HACD4: variants seen among roughly 807,000 people sequenced by gnomAD.
The protein encoded by HACD4 is very-long-chain (3R)-3-hydroxyacyl-CoA dehydratase 4.
In HACD4, 35 loss-of-function variants were observed where a neutral mutation model predicts 33.3. The ratio of observed to expected loss-of-function variants is 1.05; its 90% confidence interval spans 0.80 to 1.39. The LOEUF (loss-of-function observed/expected upper bound fraction) is 1.39, where lower values mean the gene tolerates loss of function less well. Among genes scored for constraint, HACD4 ranks in the 40% most tolerant of loss-of-function variants. HACD4 has a pLI of 0.00. For missense variants in HACD4, 323 were observed against 276.5 expected (o/e 1.17, Z -1.19); for synonymous variants, 118 against 98.0 (o/e 1.20, Z -1.21).
At chr9:21,012,888 G>A (rs940470086) in intron 4 of HACD4, among the ~76,000 whole-genome samples, 14 of 151,916 alleles carry the variant, frequency 9.2e-5, no homozygotes, top group East Asian at 1.9e-4. Flanking sequence ...CCAACGTGGC[G>A]AAACCCCATC....
intron 4 of HACD4, among the ~76,000 whole-genome samples, chr9:21,013,517 G>T (rs79648022): frequency 0.029 from 4,458 of 152,220 alleles, 112 homozygotes; most frequent in African/African-American, 0.06. Context: ...GAGTGTTAGG[G>T]TCAGCTTCTC....
At chr9:21,030,832 T>C (rs547361201) in intron 1 of HACD4, among the ~76,000 whole-genome samples, 12 of 152,238 alleles carry the variant, frequency 7.9e-5, no homozygotes, top group East Asian at 5.8e-4. Flanking sequence ...TAAGAGAAGA[T>C]TGACAGATAG....
At chr9:21,020,452 G>A (rs1390225940) in intron 3 of HACD4, among the ~76,000 whole-genome samples, 1 of 152,042 alleles carries the variant, frequency 6.6e-6, no homozygotes, top group East Asian at 1.9e-4. Context: ...CTCCTCCTCA[G>A]GCTTCTGTAC....
chr9:21,020,618 C>T (rs1193152051), intron 3 of HACD4, among the ~76,000 whole-genome samples: 3 of 152,072 alleles, frequency 2.0e-5, no homozygotes, highest in Non-Finnish European at 2.9e-5. Context: ...AAGCTCATTT[C>T]GGAGGAGGGG....
At chr9:21,007,860 A>C (rs1842307270) in intron 6 of HACD4, among the ~76,000 whole-genome samples, 161 bp downstream of exon 6, 1 of 152,178 alleles carries the variant, frequency 6.6e-6, no homozygotes, top group Non-Finnish European at 1.5e-5. Context: ...TGCAAAAAGC[A>C]TTATAACCTC....
At chr9:21,024,887 T>G (rs542039274) in intron 3 of HACD4, among the ~76,000 whole-genome samples, 1 of 152,348 alleles carries the variant, frequency 6.6e-6, no homozygotes, top group East Asian at 1.9e-4. Context: ...TCATTCCAGA[T>G]GATAGAACAC....
intron 5 of HACD4, among the ~76,000 whole-genome samples, chr9:21,011,062 G>C (rs1309049082): frequency 6.6e-6 from 1 of 152,068 alleles, no homozygotes; most frequent in African/African-American, 2.4e-5. Context: ...GGCCTAGTTT[G>C]GGGGCCCCTG....
At position 21,015,113 on chromosome 9, in the gene HACD4, T is replaced by C. The variant is rs141207411; in HGVS notation, c.383+785A>G. 1.7e-4 allele frequency: 26 copies of C among 152,354 alleles called. No individual in the cohort carries two copies. The East Asian group carries it at 4.8e-3, about 28-fold the overall frequency. The allele number at this position is 152,354 out of a possible 1,614,324, so 9.4% of individuals were successfully genotyped here. ...CATTTTACTTCAGCAAAAGATTTCA[T>C]TCTAATTCACTCTAGGACTCAACTT... On this transcript the variant is annotated intron_variant, in intron 4 of 6. Coordinates refer to ENST00000495827, the MANE Select transcript of HACD4 (RefSeq NM_001010915.5).
intron 5 of HACD4, among the ~76,000 whole-genome samples, chr9:21,008,857 G>A (rs985575987): frequency 6.6e-6 from 1 of 152,082 alleles, no homozygotes; most frequent in Non-Finnish European, 1.5e-5. Flanking sequence ...ACATGGGAAT[G>A]GTGCACTATT....
At chr9:21,024,554 G>C (rs538594834) in intron 3 of HACD4, among the ~76,000 whole-genome samples, 2 of 152,218 alleles carry the variant, frequency 1.3e-5, no homozygotes, top group East Asian at 3.9e-4. Flanking sequence ...GTATATTCTG[G>C]AATTCCTCCA....
intron 3 of HACD4, among the ~76,000 whole-genome samples, chr9:21,018,594 A>C (rs1817821324): frequency 6.6e-6 from 1 of 152,316 alleles, no homozygotes; most frequent in African/African-American, 2.4e-5. Flanking sequence ...CCATTTGACC[A>C]GTTATTTAGA....
intron 3 of HACD4, among the ~76,000 whole-genome samples, chr9:21,018,322 T>C (rs1224219387): frequency 6.6e-6 from 1 of 152,172 alleles, no homozygotes; most frequent in Non-Finnish European, 1.5e-5. Flanking sequence ...ACATGCATTT[T>C]ACCAACTGAA....
rs369271321 is a variant in HACD4 at position 21,011,478 on chromosome 9, G to C, written c.490+111C>G. On this transcript the variant is annotated intron_variant, in intron 5 of 6. Coordinates refer to ENST00000495827, the MANE Select transcript of HACD4 (RefSeq NM_001010915.5). The stretch of plus-strand genomic sequence containing the variant: ...AAATATGCCAGTAAGGATACACTGA[G>C]TGAGCTAAGCATTCGCAAAAATAGT... The C allele has an allele frequency of 8.5e-6, 6 of 702,826 alleles. No homozygotes were observed. In the African/African-American group the frequency reaches 1.1e-4, roughly 13 times the overall value. 43.5% of individuals were successfully genotyped at this position (702,826 alleles called of 1,614,324 possible).
At chr9:21,029,485 C>A in intron 1 of HACD4, 87 bp from the exon 2 acceptor site, 1 of 750,124 alleles carries the variant, frequency 1.3e-6, no homozygotes, top group Non-Finnish European at 2.1e-6. Context: ...TACTGGCCAA[C>A]CTGAGAAAGC....
rs1842144770 is a variant in HACD4 at position 21,000,118 on chromosome 9, AAC to A, written c.*6917_*6918del. ...ATCATTCAGCTGAATACCATGAAGT[AAC>A]AATAGACACCTACATGTATGTGATG... On this transcript the variant is annotated 3_prime_UTR_variant, in exon 7 of 7. Coordinates refer to ENST00000495827, the MANE Select transcript of HACD4 (RefSeq NM_001010915.5). The A allele has an allele frequency of 6.6e-6, 1 of 152,178 alleles. No individual in the cohort carries two copies. The highest frequency in any genetic ancestry group is 1.5e-5 in the Non-Finnish European group (1 of 68,010). The allele number at this position is 152,178 out of a possible 1,614,324, so 9.4% of individuals were successfully genotyped here. A position where few individuals can be genotyped will look rare whatever the true frequency, so the allele number is the denominator to read the frequency against.
At position 21,002,740 on chromosome 9, in the gene HACD4, G is replaced by GA. The variant is rs1026233367; in HGVS notation, c.*4296dup. On this transcript the variant is annotated 3_prime_UTR_variant, in exon 7 of 7. Transcript: ENST00000495827. ...ATTTTACCACAATAAAAAAATTACT[G>GA]AAAAAAGTTGTCTTAGATATGTTTT... 15 of 152,204 alleles carry GA rather than the reference G, an allele frequency of 9.9e-5. 1 individual carries two copies. The highest frequency in any genetic ancestry group is 7.9e-4 in the Admixed American group (12 of 15,284). The allele number at this position is 152,204 out of a possible 1,614,324, so 9.4% of individuals were successfully genotyped here. A position where few individuals can be genotyped will look rare whatever the true frequency, so the allele number is the denominator to read the frequency against.
At chr9:21,017,239 C>T (rs1289976893) in intron 3 of HACD4, among the ~76,000 whole-genome samples, 1 of 152,020 alleles carries the variant, frequency 6.6e-6, no homozygotes, top group Admixed American at 6.6e-5. Flanking sequence ...CAAGATTTGC[C>T]AACAGTGGGC....
intron 5 of HACD4, among the ~76,000 whole-genome samples, chr9:21,010,283 C>T (rs953140169): frequency 6.6e-6 from 1 of 152,132 alleles, no homozygotes; most frequent in African/African-American, 2.4e-5. Flanking sequence ...TCCAAATATC[C>T]TCAAGCTCTG....
chr9:21,022,111 C>G (rs1314169700), intron 3 of HACD4, among the ~76,000 whole-genome samples: 7 of 152,078 alleles, frequency 4.6e-5, no homozygotes, highest in Admixed American at 2.6e-4. Flanking sequence ...ACAAACCTGA[C>G]AAAAACAACA....
Sources: gnomAD v4.1 joint callset for allele counts (sites outside exome capture counted in the v4.1 genomes callset) on GRCh38, gnomAD v4.1.1 for gene constraint, MANE v1.5 for transcripts, NCBI Gene and HGNC (gene_info 2026-07-23, HGNC 2026-07-21) for gene names.